Variants in MAP3K13 observed in about 807,000 individuals in gnomAD.
The protein encoded by MAP3K13 is leucine zipper-bearing kinase.
A neutral mutation model predicts 104.0 loss-of-function variants in MAP3K13; 52 were observed. That is an observed-to-expected ratio of 0.50 (90% CI 0.40 to 0.63). The LOEUF is 0.63. Among genes scored for constraint, MAP3K13 ranks in the 20% least tolerant of loss-of-function variants. The probability of loss-of-function intolerance (pLI) is 0.00; values close to 1 mark genes in which losing one functional copy is unlikely to be tolerated. For missense variants in MAP3K13, 914 were observed against 1,218.5 expected, an observed-to-expected ratio of 0.75 and a Z score of 3.72; for synonymous variants, 394 against 442.2, an observed-to-expected ratio of 0.89 and a Z score of 1.37.
At chr3:185,400,723 A>G (rs1395360734) in intron 1 of MAP3K13, among the ~76,000 whole-genome samples, 2 of 152,136 alleles carry the variant, frequency 1.3e-5, no homozygotes, top group Non-Finnish European at 2.9e-5. Context: ...TTTAAGCAGC[A>G]TGCAAGAAAA....
At chr3:185,471,916 A>C (rs1717818569) in intron 10 of MAP3K13, among the ~76,000 whole-genome samples, 1 of 152,200 alleles carries the variant, frequency 6.6e-6, no homozygotes, top group Non-Finnish European at 1.5e-5. Context: ...GAAGATCTTG[A>C]TCCCAAGTGT....
chr3:185,433,089 T>C (rs1460413657), intron 2 of MAP3K13, among the ~76,000 whole-genome samples: 1 of 152,250 alleles, frequency 6.6e-6, no homozygotes, highest in African/African-American at 2.4e-5. Flanking sequence ...ATTTTAATGA[T>C]GTCCTCACCT....
intron 1 of MAP3K13, among the ~76,000 whole-genome samples, chr3:185,424,102 A>G (rs1442354494): frequency 1.3e-5 from 2 of 152,162 alleles, no homozygotes; most frequent in East Asian, 3.8e-4. Flanking sequence ...CAGGATAGGA[A>G]CCATGTCTTC....
At position 185,466,997 on chromosome 3, in the gene MAP3K13, A is replaced by C. The variant is rs778698629; in HGVS notation, c.1643+34A>C. The C allele has an allele frequency of 6.8e-6, 11 of 1,613,148 alleles. No individual in the cohort carries two copies. The Admixed American group carries it at 1.8e-4, about 27-fold the overall frequency. On this transcript the variant is annotated intron_variant, in intron 10 of 13. Transcript: ENST00000265026. Reference sequence around the variant, plus strand: ...CCTGTACAAACGCAGTATTCAGATAAATAGGGAAAGACCCACCCACAAATC... The same window carrying C: ...CCTGTACAAACGCAGTATTCAGATACATAGGGAAAGACCCACCCACAAATC...
intron 1 of MAP3K13, among the ~76,000 whole-genome samples, chr3:185,414,319 C>CA (rs568583332): frequency 3.2e-3 from 490 of 152,176 alleles, no homozygotes; most frequent in Non-Finnish European, 4.7e-3. Flanking sequence ...TCTTCTCATC[C>CA]AAAAAAATTG....
At chr3:185,324,064 G>T (rs916160998) in intron 2 of MAP3K13, among the ~76,000 whole-genome samples, 1 of 152,122 alleles carries the variant, frequency 6.6e-6, no homozygotes, top group African/African-American at 2.4e-5. Flanking sequence ...AGGCTAGAGT[G>T]CAGTGGTGCG....
intron 8 of MAP3K13, among the ~76,000 whole-genome samples, chr3:185,463,930 C>A (rs1019688361): frequency 3.9e-5 from 6 of 152,136 alleles, no homozygotes; most frequent in Non-Finnish European, 8.8e-5. Context: ...GTCCTAGGTG[C>A]CATGCAATTC....
intron 1 of MAP3K13, among the ~76,000 whole-genome samples, chr3:185,373,696 C>A (rs1347643280): frequency 6.6e-6 from 1 of 152,052 alleles, no homozygotes; most frequent in Non-Finnish European, 1.5e-5. Context: ...ATAGAGTGTG[C>A]CTAAATAACA....
chr3:185,292,605 A>C (rs1163486216), intron 2 of MAP3K13: 1 of 967,762 alleles, frequency 1.0e-6, no homozygotes, highest in Non-Finnish European at 1.2e-6. Context: ...GACATATATA[A>C]AATGTATAAT....
intron 11 of MAP3K13, 185 bp from the exon 12 acceptor site, chr3:185,477,141 A>C (rs1718176472): frequency 1.5e-6 from 1 of 687,330 alleles, no homozygotes; most frequent in Non-Finnish European, 2.7e-6. Flanking sequence ...CCGCCATCAT[A>C]GGTACCCTGG....
At chr3:185,464,933 A>T (rs944259395) in intron 8 of MAP3K13, among the ~76,000 whole-genome samples, 1 of 152,084 alleles carries the variant, frequency 6.6e-6, no homozygotes, top group Non-Finnish European at 1.5e-5. Flanking sequence ...GACTCATCTC[A>T]TTGACAAGGG....
chr3:185,422,388 C>T (rs1178915272), intron 1 of MAP3K13, among the ~76,000 whole-genome samples: 1 of 152,174 alleles, frequency 6.6e-6, no homozygotes, highest in Non-Finnish European at 1.5e-5. Context: ...TAGGTTGAAC[C>T]ATATTCCTTG....
chr3:185,386,598 C>A (rs147482971), intron 1 of MAP3K13, among the ~76,000 whole-genome samples: 1 of 152,238 alleles, frequency 6.6e-6, no homozygotes, highest in Non-Finnish European at 1.5e-5. Context: ...AACACATGCA[C>A]GCGTATGTTC....
At chr3:185,297,013 G>C (rs1441766493) in intron 2 of MAP3K13, among the ~76,000 whole-genome samples, 1 of 152,156 alleles carries the variant, frequency 6.6e-6, no homozygotes, top group Non-Finnish European at 1.5e-5. Flanking sequence ...TAGAGAGTTA[G>C]GTTGCTCAGA....
At chr3:185,463,352 T>C (rs1328753461) in intron 7 of MAP3K13, among the ~76,000 whole-genome samples, 198 bp from the exon 8 acceptor site, 5 of 152,172 alleles carry the variant, frequency 3.3e-5, no homozygotes, top group East Asian at 3.8e-4. Context: ...AGTAGAAATA[T>C]AGAAGTGGGC....
intron 10 of MAP3K13, among the ~76,000 whole-genome samples, chr3:185,467,952 G>A (rs1242982555): frequency 6.6e-6 from 1 of 151,992 alleles, no homozygotes; most frequent in Non-Finnish European, 1.5e-5. Context: ...GGGAGCCAGC[G>A]CTTCACATGG....
chr3:185,401,265 T>C (rs191940213), intron 1 of MAP3K13, among the ~76,000 whole-genome samples: 62 of 152,362 alleles, frequency 4.1e-4, no homozygotes, highest in African/African-American at 1.5e-3. Context: ...CTTTGAATCC[T>C]AAATTACCCT....
At chr3:185,428,434 G>C in intron 1 of MAP3K13, 63 bp from the exon 2 acceptor site, 1 of 1,042,434 alleles carries the variant, frequency 9.6e-7, no homozygotes, top group Non-Finnish European at 1.3e-6. Flanking sequence ...AATGCAAACA[G>C]AAGTGTCGTA....
At chr3:185,403,874 C>A (rs1482802938) in intron 1 of MAP3K13, among the ~76,000 whole-genome samples, 1 of 152,204 alleles carries the variant, frequency 6.6e-6, no homozygotes, top group Non-Finnish European at 1.5e-5. Context: ...TTGTTATCAA[C>A]TCTATTAACA....
Sources: gnomAD v4.1 joint callset for allele counts (sites outside exome capture counted in the v4.1 genomes callset) on GRCh38, gnomAD v4.1.1 for gene constraint, MANE v1.5 for transcripts, NCBI Gene and HGNC (gene_info 2026-07-23, HGNC 2026-07-21) for gene names.